Variants in EXPH5 observed in about 807,000 individuals in gnomAD.
EXPH5 encodes exophilin-5.
EXPH5 carries 42 observed loss-of-function variants against 41.1 expected under a neutral mutation model. That is an observed-to-expected ratio of 1.02 (90% confidence interval 0.80 to 1.32). The LOEUF (loss-of-function observed/expected upper bound fraction) is 1.32, where lower values mean the gene tolerates loss of function less well. Among genes scored for constraint, EXPH5 ranks in the 40% most tolerant of loss-of-function variants. The pLI is 0.00. For missense variants in EXPH5, 2,298 were observed against 2,314.5 expected, an observed-to-expected ratio of 0.99 and a Z score of 0.15; for synonymous variants, 798 against 833.5, an observed-to-expected ratio of 0.96 and a Z score of 0.73.
intron 1 of EXPH5, among the ~76,000 whole-genome samples, chr11:108,554,923 T>TC (rs533998379): frequency 1.4e-3 from 217 of 152,054 alleles, no homozygotes; most frequent in African/African-American, 2.9e-3. Flanking sequence ...AGACCCTGTC[T>TC]CCCCCCGGCC....
rs980052604 is a variant in EXPH5 at position 108,514,275 on chromosome 11, T to C, written c.1232A>G (p.Glu411Gly). The C allele has an allele frequency of 1.9e-6, 3 of 1,613,948 alleles. No homozygotes were observed. The African/African-American group carries it at 4.0e-5, about 22-fold the overall frequency. Residue 411 changes from glutamate (E) to glycine (G), a missense_variant, in exon 6 of 6, where the codon GAG (glutamate) becomes GGG (glycine). Coordinates refer to ENST00000265843, the MANE Select transcript of EXPH5 (RefSeq NM_015065.3). ...DKYVYPRGFQ[E>G]NKRYESYHSQ... is the part of the protein sequence containing the mutation. ...ATGGTACGATTCATATCTCTTATTC[T>C]CCTGAAAACCCCTGGGATACACATA...
At chr11:108,547,343 G>A (rs567140762) in intron 1 of EXPH5, among the ~76,000 whole-genome samples, 3 of 152,104 alleles carry the variant, frequency 2.0e-5, no homozygotes, top group Admixed American at 6.6e-5. Flanking sequence ...ACAGTTGCAC[G>A]CTACTATGCC....
chr11:108,577,030 A>G (rs2094082054), intron 1 of EXPH5, among the ~76,000 whole-genome samples: 1 of 152,200 alleles, frequency 6.6e-6, no homozygotes, highest in Admixed American at 6.5e-5. Context: ...AATATCTTCC[A>G]GTTCCATCTA....
At chr11:108,594,304 G>GAAAC (rs777567421), upstream of EXPH5, among the ~76,000 whole-genome samples, 41 of 152,244 alleles carry the variant, frequency 2.7e-4, no homozygotes, top group East Asian at 3.3e-3. Context: ...TTAGACTTTA[G>GAAAC]AAACAAACAA....
chr11:108,541,207 C>A (rs934285740), intron 2 of EXPH5, among the ~76,000 whole-genome samples: 3 of 152,054 alleles, frequency 2.0e-5, no homozygotes, highest in Non-Finnish European at 4.4e-5. Context: ...CGACCCCCTG[C>A]CCAGCTTAAT....
rs146325612 is a variant in EXPH5 at position 108,562,538 on chromosome 11, G to C, written c.120-20726C>G. Among the ~76,000 whole-genome samples, 744 of 152,280 alleles carry C rather than the reference G, an allele frequency of 4.9e-3. 3 individuals carry two copies. The highest frequency in any genetic ancestry group is 0.017 in the African/African-American group (696 of 41,560). On this transcript the variant is annotated intron_variant, in intron 1 of 5. Coordinates refer to ENST00000265843, the MANE Select transcript of EXPH5 (RefSeq NM_015065.3). ...GTGGAAGAATTGCTTGAATCTGGGA[G>C]GGAGAGGTTGCAGTGAGCTGAGATC...
At chr11:108,518,849 A>G (rs1161437234) in intron 4 of EXPH5, among the ~76,000 whole-genome samples, 2 of 152,146 alleles carry the variant, frequency 1.3e-5, no homozygotes, top group Admixed American at 1.3e-4. Flanking sequence ...AAACCCACCA[A>G]TACCAAGATG....
the EXPH5 span, among the ~76,000 whole-genome samples, chr11:108,603,293 T>G: frequency 1.3e-5 from 2 of 152,366 alleles, no homozygotes; most frequent in African/African-American, 4.8e-5. Flanking sequence ...GAGGTGCTAG[T>G]TGTACAACAC....
chr11:108,583,686 T>A (rs11212720), intron 1 of EXPH5, among the ~76,000 whole-genome samples: 9,022 of 148,338 alleles, frequency 0.061, 745 homozygotes, highest in African/African-American at 0.19. Flanking sequence ...AAAATAAAAA[T>A]AAAAAAGTCA....
intron 1 of EXPH5, among the ~76,000 whole-genome samples, chr11:108,584,599 G>T (rs2094108169): frequency 1.3e-5 from 2 of 152,098 alleles, no homozygotes; most frequent in East Asian, 3.8e-4. Context: ...AAAGAGCAGA[G>T]TCCAAAAATG....
At position 108,509,930 on chromosome 11, in the gene EXPH5, A is replaced by G. The variant is rs1240543961; in HGVS notation, c.5577T>C (p.Asp1859=). The G allele has an allele frequency of 6.2e-7, 1 of 1,609,698 alleles. No individual in the cohort carries two copies. Among genetic ancestry groups the G allele is most frequent in the African/African-American group, 1.3e-5 (1 of 74,660 alleles). Residue 1859 remains aspartate (D), a synonymous_variant, in exon 6 of 6, where the codon GAT becomes GAC. Transcript: ENST00000265843. ...FRSFSELPSC[D]GNESWAYRSG... Reference sequence around the variant, plus strand: ...TGCGATAAGCCCAACTTTCATTTCCATCACAGGAGGGGAGTTCAGAAAAAG... The same window carrying G: ...TGCGATAAGCCCAACTTTCATTTCCGTCACAGGAGGGGAGTTCAGAAAAAG...
In EXPH5 at chr11:108,528,145, T is replaced by C; in HGVS notation, c.483A>G (p.Gly161=). 1 of 1,608,250 alleles carries C rather than the reference T, an allele frequency of 6.2e-7. No homozygotes were observed. Among genetic ancestry groups the C allele is most frequent in the Non-Finnish European group, 8.5e-7 (1 of 1,174,906 alleles). The change falls in exon 4 of 6, where the codon GGA becomes GGG. Residue 161 remains glycine (G), a synonymous_variant. Transcript: ENST00000265843. ...TTATCTGGTTACTTACCACAGCAGC[T>C]CCCCTCACAGGCATAGGAGGTCCTG... ...GHAGPPMPVR[G]AAVQAKIYNS...
At chr11:108,605,563 C>A in the EXPH5 span, among the ~76,000 whole-genome samples, 1 of 152,088 alleles carries the variant, frequency 6.6e-6, no homozygotes, top group Non-Finnish European at 1.5e-5. Context: ...CAGGACAGCC[C>A]CCCTCCTACG....
intron 1 of EXPH5, among the ~76,000 whole-genome samples, chr11:108,558,064 T>C (rs112660581): frequency 0.022 from 3,386 of 152,228 alleles, 146 homozygotes; most frequent in African/African-American, 0.078. Context: ...TGCTTCGGCC[T>C]CCTGAGTAGC....
At chr11:108,588,634 G>A (rs949825394) in intron 1 of EXPH5, among the ~76,000 whole-genome samples, 12 of 152,294 alleles carry the variant, frequency 7.9e-5, no homozygotes, top group Middle Eastern at 3.4e-3. Flanking sequence ...AAAGAGCTTA[G>A]CATGGGTCAA....
intron 1 of EXPH5, among the ~76,000 whole-genome samples, chr11:108,563,151 TGG>T (rs887015922): frequency 8.5e-5 from 13 of 152,224 alleles, no homozygotes. Flanking sequence ...GGAGCTTAAC[TGG>T]TACGACTGGA....
intron 5 of EXPH5, among the ~76,000 whole-genome samples, chr11:108,516,706 G>C (rs2093729030): frequency 6.6e-6 from 1 of 152,148 alleles, no homozygotes; most frequent in Non-Finnish European, 1.5e-5. Context: ...TTGCAAGTTG[G>C]TGTTATTAAG....
At chr11:108,538,051 A>C in intron 3 of EXPH5, 1 of 985,428 alleles carries the variant, frequency 1.0e-6, no homozygotes, top group Non-Finnish European at 1.2e-6. Context: ...TCATCAGACA[A>C]AAACAGCCTC....
chr11:108,516,353 A>G (rs1455258971), intron 5 of EXPH5, among the ~76,000 whole-genome samples: 1 of 152,200 alleles, frequency 6.6e-6, no homozygotes, highest in South Asian at 2.1e-4. Flanking sequence ...GACAAGCCAC[A>G]GCATCCTTTT....
Sources: allele counts gnomAD v4.1 joint callset (sites outside exome capture counted in the v4.1 genomes callset), GRCh38; gene constraint gnomAD v4.1.1; transcripts MANE v1.5; gene names NCBI Gene and HGNC (gene_info 2026-07-23, HGNC 2026-07-21).